DNAH5: variants seen among roughly 807,000 people sequenced by gnomAD.
DNAH5 encodes dynein axonemal heavy chain 5, also known as axonemal beta dynein heavy chain 5.
DNAH5 carries 372 observed loss-of-function variants against 518.2 expected under a neutral mutation model. The observed-to-expected ratio is 0.72, with a 90% CI of 0.66 to 0.78. The LOEUF (loss-of-function observed/expected upper bound fraction) is 0.78. Ranked by LOEUF, DNAH5 falls within the 30% of genes least tolerant of loss-of-function variation. DNAH5 has a pLI of 0.00. For missense variants in DNAH5, 5,523 were observed against 5,687.0 expected (o/e 0.97, Z 0.93); for synonymous variants, 2,039 against 2,025.9 (o/e 1.01, Z -0.17).
At chr5:13,786,948 C>A (rs1014433169) in intron 51 of DNAH5, among the ~76,000 whole-genome samples, 3 of 152,150 alleles carry the variant, frequency 2.0e-5, no homozygotes, top group Non-Finnish European at 4.4e-5. Context: ...AATATACCAG[C>A]TTAACACTTT....
intron 17 of DNAH5, among the ~76,000 whole-genome samples, chr5:13,890,588 C>G (rs540525754): frequency 6.6e-6 from 1 of 152,070 alleles, no homozygotes; most frequent in African/African-American, 2.4e-5. Context: ...TTGGGAAACC[C>G]CCCCTCAACA....
rs188598472 is a variant in DNAH5 at position 13,822,777 on chromosome 5, G to C, written c.6687+486C>G. 5.9e-5 allele frequency among the ~76,000 whole-genome samples: 9 copies of C among 152,264 alleles called. No homozygotes were observed. The East Asian group carries it at 1.7e-3, about 29-fold the overall frequency. On this transcript the variant is annotated intron_variant, in intron 40 of 78. Transcript: ENST00000265104. ...AGAGACATCATGATATACATAGTGT[G>C]GTGGGTTCCCCCACCCTACCCACCG...
chr5:13,891,241 T>C (rs910045155), intron 16 of DNAH5, 120 bp from the exon 17 acceptor site: 69 of 1,048,918 alleles, frequency 6.6e-5, no homozygotes, highest in Non-Finnish European at 8.8e-5. Flanking sequence ...CAGTTACGTA[T>C]GTTCCCCAGA....
intron 76 of DNAH5, among the ~76,000 whole-genome samples, chr5:13,706,629 G>A (rs1249799199): frequency 6.6e-6 from 1 of 152,136 alleles, no homozygotes; most frequent in Non-Finnish European, 1.5e-5. Context: ...ACAAAGAGAA[G>A]AATACCATTT....
At chr5:13,955,581 C>A (rs770258398) in intron 1 of DNAH5, among the ~76,000 whole-genome samples, 7 of 151,958 alleles carry the variant, frequency 4.6e-5, no homozygotes, top group Non-Finnish European at 7.4e-5. Context: ...CTTTTTTAAT[C>A]CAGGAAATAC....
intron 15 of DNAH5, chr5:13,897,675 T>C (rs951827173): frequency 6.6e-6 from 1 of 152,246 alleles, no homozygotes; most frequent in African/African-American, 2.4e-5. Context: ...TGCCAATAGA[T>C]CTGCTTTGAC....
rs771128631 is a variant in DNAH5, at chr5:13,794,020, T to C, written c.7926A>G (p.Thr2642=). 6.2e-7 allele frequency: 1 copy of C among 1,614,166 alleles called. No homozygotes were observed. The highest frequency in any genetic ancestry group is 8.5e-7 in the Non-Finnish European group (1 of 1,180,012). The change falls in exon 48 of 79, where the codon ACA becomes ACG. Residue 2642 remains threonine (T), a synonymous_variant. Coordinates refer to ENST00000265104, the MANE Select transcript of DNAH5 (RefSeq NM_001369.3). ...TCTTTCCCGCAGGAGGGCCATATGT[T>C]GTACCCATTCGTTTATCCACATAGC... is the stretch of plus-strand genomic sequence containing the variant. ...IESYVDKRMG[T]TYGPPAGKKM...
intron 16 of DNAH5, among the ~76,000 whole-genome samples, chr5:13,892,235 A>C (rs1264738487): frequency 6.6e-6 from 1 of 152,170 alleles, no homozygotes; most frequent in Non-Finnish European, 1.5e-5. Flanking sequence ...AAAATTCTCT[A>C]CGCTTTCTAA....
At chr5:13,777,699 G>A (rs1754315476) in intron 53 of DNAH5, among the ~76,000 whole-genome samples, 2 of 152,046 alleles carry the variant, frequency 1.3e-5, no homozygotes, top group African/African-American at 4.8e-5. Context: ...ATATTTGATT[G>A]GCAATTGGTA....
In DNAH5 at chr5:13,786,240, C is replaced by T. The variant is rs777090465; in HGVS notation, c.8759G>A (p.Ser2920Asn). The T allele has an allele frequency of 4.3e-6, 7 of 1,614,058 alleles. No individual in the cohort carries two copies. The East Asian group carries it at 1.1e-4, about 26-fold the overall frequency. Residue 2920 changes from serine to asparagine, a missense_variant, in exon 52 of 79, where the codon AGC (serine) becomes AAC (asparagine). This residue lies in a region of DNAH5 where 5,121 missense variants were observed against 5,223.3 expected (regional missense o/e 0.98). Transcript: ENST00000265104. Reference sequence around the variant, plus strand: ...CATGTCCATGCCGGCGCCACGGATGCTCTCATTATAGAGCTGCAGGAACAT... The same window carrying T: ...CATGTCCATGCCGGCGCCACGGATGTTCTCATTATAGAGCTGCAGGAACAT... ...LNMFLQLYNE[S>N]IRGAGMDMVF...
At chr5:13,945,687 C>A (rs1779854345), upstream of DNAH5, among the ~76,000 whole-genome samples, 1 of 152,070 alleles carries the variant, frequency 6.6e-6, no homozygotes, top group African/African-American at 2.4e-5. Flanking sequence ...CTCACCACAG[C>A]CTCAACCTCC....
rs2126746618 is a variant in DNAH5, at chr5:13,762,905, T to C, written c.10102-4A>G. ...TGATTGTGTCTTTTGGGAATTGCTA[T>C]GGAAGAAAAGAGTAAAATAAAGTCG... On this transcript the variant is annotated splice_polypyrimidine_tract_variant and splice_region_variant and intron_variant, in intron 59 of 78. Coordinates refer to ENST00000265104, the MANE Select transcript of DNAH5 (RefSeq NM_001369.3). The C allele has an allele frequency of 3.7e-6, 6 of 1,613,030 alleles. No individual in the cohort carries two copies. Among genetic ancestry groups the C allele is most frequent in the Non-Finnish European group, 5.1e-6 (6 of 1,179,184 alleles).
rs773648190 is a variant in DNAH5, at chr5:13,914,594, C to T, written c.1246G>A (p.Gly416Arg). The change falls in exon 10 of 79, where the codon GGA (glycine) becomes AGA (arginine). Residue 416 changes from glycine (G) to arginine (R), a missense_variant. Coordinates refer to ENST00000265104, the MANE Select transcript of DNAH5 (RefSeq NM_001369.3). ...SACKAYITNN[G>R]TASIWNQPQD... The stretch of plus-strand genomic sequence containing the variant: ...GGCTGGTTCCAGATGGAAGCGGTTC[C>T]ATTATTGGTAATATAGGCTTTACAT... 2.5e-6 allele frequency: 4 copies of T among 1,613,146 alleles called. No individual in the cohort carries two copies. Among genetic ancestry groups the T allele is most frequent in the South Asian group, 2.2e-5 (2 of 91,048 alleles).
chr5:13,768,894 A>T, intron 58 of DNAH5, 66 bp downstream of exon 58: 2 of 1,555,562 alleles, frequency 1.3e-6, no homozygotes, highest in Non-Finnish European at 8.9e-7. Context: ...GCTGTTATTC[A>T]TCTTTTTAGC....
At chr5:13,745,593 T>A (rs1034598242) in intron 65 of DNAH5, among the ~76,000 whole-genome samples, 5 of 152,056 alleles carry the variant, frequency 3.3e-5, no homozygotes, top group Admixed American at 2.6e-4. Flanking sequence ...GAACAGCTGA[T>A]GAATTTTTGG....
intron 31 of DNAH5, among the ~76,000 whole-genome samples, chr5:13,846,741 A>G (rs1213847578): frequency 6.6e-6 from 1 of 152,236 alleles, no homozygotes. Context: ...CAGCTCTCAC[A>G]GGATCCTCAG....
intron 1 of DNAH5, 109 bp downstream of exon 1, chr5:13,944,273 A>T (rs1779727947): frequency 1.9e-6 from 2 of 1,054,930 alleles, no homozygotes; most frequent in Non-Finnish European, 3.0e-6. Context: ...TTTCTCGCAA[A>T]TTCATCAGTG....
At chr5:13,981,874 T>C (rs1175169186) in intron 1 of DNAH5, among the ~76,000 whole-genome samples, 1 of 152,220 alleles carries the variant, frequency 6.6e-6, no homozygotes, top group Non-Finnish European at 1.5e-5. Context: ...TGGCCAACAC[T>C]GAAGTCATCC....
At position 13,735,912 on chromosome 5, in the gene DNAH5, G is replaced by A. The variant is rs146750552; in HGVS notation, c.11476C>T (p.Leu3826Phe). 360 of 1,614,090 alleles carry A rather than the reference G, an allele frequency of 2.2e-4. No homozygotes were observed. In the Middle Eastern group the frequency reaches 3.1e-3, roughly 14 times the overall value. ...CGCATCTCAGTAATGAGGAAGTAGA[G>A]GATGCTGCCCCGCGTAGCCACTGGA... ...YRPVATRGSI[L>F]YFLITEMRLV... Residue 3826 changes from leucine to phenylalanine, a missense_variant, in exon 67 of 79, where the codon CTC (leucine) becomes TTC (phenylalanine). Transcript: ENST00000265104.
Sources: allele counts gnomAD v4.1 joint callset (sites outside exome capture counted in the v4.1 genomes callset), GRCh38; gene constraint gnomAD v4.1.1; regional missense constraint gnomAD v4.1.1; transcripts MANE v1.5; gene names NCBI Gene and HGNC (gene_info 2026-07-23, HGNC 2026-07-21).